The following SFXN2 variants were observed in gnomAD, a reference collection of about 807,000 sequenced individuals.
SFXN2 encodes the protein sideroflexin 2.
A neutral mutation model predicts 41.9 loss-of-function variants in SFXN2; 37 were observed. That is an observed-to-expected ratio of 0.88 (90% CI 0.68 to 1.16). SFXN2 has a LOEUF of 1.16. Among genes scored for constraint, SFXN2 ranks in the 50% most tolerant of loss-of-function variants. SFXN2 has a pLI of 0.00. For missense variants in SFXN2, 386 were observed against 425.2 expected, an observed-to-expected ratio of 0.91 and a Z score of 0.81; for synonymous variants, 150 against 156.7, an observed-to-expected ratio of 0.96 and a Z score of 0.32.
rs548017909 is a variant in SFXN2 at position 102,742,186 on chromosome 10, A to T, written c.*4424A>T. 3.6e-5 allele frequency: 5 copies of T among 138,142 alleles called. No individual in the cohort carries two copies. Among genetic ancestry groups the T allele is most frequent in the African/African-American group, 1.4e-4 (5 of 36,578 alleles). The allele number at this position is 138,142 out of a possible 1,614,324, so 8.6% of individuals were successfully genotyped here. On this transcript the variant is annotated 3_prime_UTR_variant, in exon 12 of 12. Coordinates refer to ENST00000369893, the MANE Select transcript of SFXN2 (RefSeq NM_178858.6). Reference sequence around the variant, plus strand: ...AACTTTTTTTTTTCTTTTTTTTTTGAGACAGAGTCTCACTCTGTCACCTAG... The same window carrying T: ...AACTTTTTTTTTTCTTTTTTTTTTGTGACAGAGTCTCACTCTGTCACCTAG...
chr10:102,727,407 C>T (rs1237690875), intron 3 of SFXN2, among the ~76,000 whole-genome samples: 1 of 152,192 alleles, frequency 6.6e-6, no homozygotes, highest in Non-Finnish European at 1.5e-5. Context: ...CAGGTTTAAA[C>T]AGGCAGGAAA....
chr10:102,729,652 G>C (rs1590149491), intron 5 of SFXN2, 71 bp from the exon 6 acceptor site: 2 of 1,485,094 alleles, frequency 1.3e-6, no homozygotes, highest in African/African-American at 2.8e-5. Context: ...TTGTATTCTA[G>C]TCGTTCAGCC....
intron 1 of SFXN2, among the ~76,000 whole-genome samples, chr10:102,720,159 G>C (rs936289758): frequency 6.6e-6 from 1 of 152,002 alleles, no homozygotes; most frequent in Non-Finnish European, 1.5e-5. Context: ...GGGTGTGGTG[G>C]CACGCACCTG....
At chr10:102,735,773 C>A in intron 10 of SFXN2, 89 bp from the exon 11 acceptor site, 1 of 1,377,022 alleles carries the variant, frequency 7.3e-7, no homozygotes, top group African/African-American at 1.4e-5. Flanking sequence ...GGCCAGGTGC[C>A]TGGGCATTGC....
At chr10:102,736,858 A>T (rs1357015159) in intron 11 of SFXN2, among the ~76,000 whole-genome samples, 1 of 150,594 alleles carries the variant, frequency 6.6e-6, no homozygotes, top group Non-Finnish European at 1.5e-5. Flanking sequence ...GTTGGTCGTT[A>T]ACATTAAATA....
At chr10:102,733,057 A>T in intron 9 of SFXN2, 149 bp downstream of exon 9, 2 of 795,696 alleles carry the variant, frequency 2.5e-6, no homozygotes, top group South Asian at 3.2e-5. Flanking sequence ...ATCTCCACTG[A>T]CCTCCTGTTT....
rs376492604 is a variant in SFXN2, at chr10:102,729,762, G to A, written c.547G>A (p.Ala183Thr). 2.0e-5 allele frequency: 33 copies of A among 1,613,882 alleles called. No homozygotes were observed. Among genetic ancestry groups the A allele is most frequent in the Admixed American group, 1.2e-4 (7 of 59,998 alleles). Residue 183 changes from alanine to threonine, a missense_variant, in exon 6 of 12, where the codon GCT (alanine) becomes ACT (threonine). Transcript: ENST00000369893. ...GGTGGGCCGCTGGGTGCCCTTTGCC[G>A]CTGTGGCTGCGGCTAACTGTGTCAA... ...PLVGRWVPFA[A>T]VAAANCVNIP...
chr10:102,717,881 CA>C (rs2064441000), intron 1 of SFXN2: 1 of 758,322 alleles, frequency 1.3e-6, no homozygotes, highest in African/African-American at 1.9e-5. Context: ...TCAGGGGAGG[CA>C]GACTTTACAC....
chr10:102,717,970 A>C (rs2064442412), intron 1 of SFXN2, among the ~76,000 whole-genome samples: 1 of 152,348 alleles, frequency 6.6e-6, no homozygotes, highest in South Asian at 2.1e-4. Context: ...GTAGGAGTAT[A>C]TATCACAGAA....
rs2064815815 is a variant in SFXN2, at chr10:102,738,832, T to G, written c.*1070T>G. ...GAGTAAAAATGATATATATAGGCAT[T>G]AACCACACACTTTAATGGGTATAAT... is the stretch of plus-strand genomic sequence containing the variant. On this transcript the variant is annotated 3_prime_UTR_variant, in exon 12 of 12. Coordinates refer to ENST00000369893, the MANE Select transcript of SFXN2 (RefSeq NM_178858.6). 2.6e-5 allele frequency: 4 copies of G among 152,638 alleles called. No individual in the cohort carries two copies. In the South Asian group the frequency reaches 8.3e-4, roughly 32 times the overall value. The allele number at this position is 152,638 out of a possible 1,614,324, so 9.5% of individuals were successfully genotyped here.
intron 7 of SFXN2, 37 bp from the exon 8 acceptor site, chr10:102,732,115 A>G: frequency 1.9e-6 from 3 of 1,589,016 alleles, no homozygotes; most frequent in Non-Finnish European, 2.6e-6. Flanking sequence ...TACACTGGAT[A>G]CATCATTTCT....
intron 1 of SFXN2, among the ~76,000 whole-genome samples, chr10:102,720,909 T>C (rs2064499464): frequency 1.3e-5 from 2 of 152,132 alleles, no homozygotes; most frequent in Admixed American, 1.3e-4. Flanking sequence ...TGTGAGGGGA[T>C]TTTGCAGACC....
chr10:102,719,429 A>G (rs1453672427), intron 1 of SFXN2, among the ~76,000 whole-genome samples: 1 of 150,006 alleles, frequency 6.7e-6, no homozygotes, highest in East Asian at 2.0e-4. Flanking sequence ...GGGTTTCACC[A>G]TCTTGGCCAG....
chr10:102,729,261 G>A (rs1179412734), intron 4 of SFXN2, 58 bp from the exon 5 acceptor site: 22 of 1,557,014 alleles, frequency 1.4e-5, no homozygotes, highest in African/African-American at 9.5e-5. Context: ...CCTGAAGCCC[G>A]TGGTTTGGCC....
intron 9 of SFXN2, 39 bp from the exon 10 acceptor site, chr10:102,733,515 A>G: frequency 6.4e-7 from 1 of 1,564,496 alleles, no homozygotes; most frequent in Non-Finnish European, 8.8e-7. Context: ...AAGGCATAGA[A>G]GTACCATGTG....
At chr10:102,724,421 C>T (rs529653098) in intron 1 of SFXN2, among the ~76,000 whole-genome samples, 4 of 152,178 alleles carry the variant, frequency 2.6e-5, no homozygotes, top group Middle Eastern at 3.4e-3. Context: ...TAAGAGTTTC[C>T]GGCTGGACGT....
rs759032721 is a variant in SFXN2, at chr10:102,732,141, T to G, written c.655-11T>G. ...CATCATTTCTGACAACTTACTATTT[T>G]CTGCCCTCAGAGAGCTGCGGCCATA... On this transcript the variant is annotated splice_polypyrimidine_tract_variant and intron_variant, in intron 7 of 11. Transcript: ENST00000369893. 8.7e-6 allele frequency: 14 copies of G among 1,612,680 alleles called. No homozygotes were observed. The highest frequency in any genetic ancestry group is 1.3e-5 in the African/African-American group (1 of 74,884).
chr10:102,727,569 G>C, intron 3 of SFXN2: 1 of 162,118 alleles, frequency 6.2e-6, no homozygotes, highest in Non-Finnish European at 1.3e-5. Flanking sequence ...TCTTGGCTTG[G>C]TTGGGGAGAG....
At chr10:102,715,916 G>A (rs2064404322) in intron 1 of SFXN2, among the ~76,000 whole-genome samples, 1 of 138,342 alleles carries the variant, frequency 7.2e-6, no homozygotes, top group Admixed American at 7.7e-5. Context: ...GGGTGAAAGA[G>A]CAAGACCCTG....
Sources: gnomAD v4.1 joint callset for allele counts (sites outside exome capture counted in the v4.1 genomes callset) on GRCh38, gnomAD v4.1.1 for gene constraint, MANE v1.5 for transcripts, NCBI Gene and HGNC (gene_info 2026-07-23, HGNC 2026-07-21) for gene names.